The following GPSM2 variants were observed in gnomAD, a reference collection of about 807,000 sequenced individuals.
GPSM2 encodes G protein signaling modulator 2.
GPSM2 carries 58 observed loss-of-function variants against 78.4 expected under a neutral mutation model. That is an observed-to-expected ratio of 0.74 (90% CI 0.60 to 0.92). GPSM2 has a LOEUF of 0.92. GPSM2 is among the 40% of genes least tolerant of loss of function. GPSM2 has a pLI of 0.00. For missense variants in GPSM2, 700 were observed against 815.5 expected (o/e 0.86, Z 1.73); for synonymous variants, 224 against 280.2 (o/e 0.80, Z 2.00).
intron 11 of GPSM2, among the ~76,000 whole-genome samples, chr1:108,916,406 C>A (rs1422507002): frequency 2.0e-5 from 3 of 152,184 alleles, no homozygotes; most frequent in African/African-American, 7.2e-5. Context: ...GTGTGAGAAT[C>A]ATATCCAAAA....
intron 14 of GPSM2, chr1:108,924,468 A>T: frequency 3.9e-6 from 2 of 516,676 alleles, no homozygotes; most frequent in East Asian, 7.2e-5. Flanking sequence ...GAGAGAGAGT[A>T]TATGTGTGTT....
chr1:108,906,515 T>G (rs1490393735), intron 10 of GPSM2, among the ~76,000 whole-genome samples: 1 of 151,298 alleles, frequency 6.6e-6, no homozygotes, highest in Admixed American at 6.6e-5. Flanking sequence ...ACTTCGATTC[T>G]GCATCTCTCA....
chr1:108,922,325 C>A, intron 12 of GPSM2, 92 bp from the exon 13 acceptor site: 1 of 903,470 alleles, frequency 1.1e-6, no homozygotes, highest in South Asian at 1.4e-5. Flanking sequence ...CATCCTTTAC[C>A]TTTTGCATTT....
At chr1:108,925,422 A>G (rs945144947) in intron 14 of GPSM2, among the ~76,000 whole-genome samples, 2 of 152,140 alleles carry the variant, frequency 1.3e-5, no homozygotes, top group African/African-American at 2.4e-5. Context: ...AAAGAATAGG[A>G]CAGGAAGACT....
At chr1:108,917,167 C>G (rs1650292893) in intron 11 of GPSM2, among the ~76,000 whole-genome samples, 2 of 152,080 alleles carry the variant, frequency 1.3e-5, no homozygotes, top group African/African-American at 4.8e-5. Flanking sequence ...TTTTCCTTTT[C>G]TCTAAACAAT....
intron 12 of GPSM2, 97 bp downstream of exon 12, chr1:108,918,886 T>C: frequency 1.3e-6 from 1 of 776,482 alleles, no homozygotes; most frequent in Non-Finnish European, 2.2e-6. Flanking sequence ...AAATTAGACA[T>C]TTAATATAAA....
intron 2 of GPSM2, among the ~76,000 whole-genome samples, chr1:108,891,664 ATTTTT>A (rs58295802): frequency 8.5e-6 from 1 of 117,174 alleles, no homozygotes. Flanking sequence ...CAGCCAGCTA[ATTTTT>A]TTTTTTTTTT....
Position 108,932,465 on chromosome 1 carries a change from C to CTAG in GPSM2, c.*2526_*2528dup, listed in dbSNP as rs1278805304. ...TCAACAACAGTTGCATGTCGCCTTG[C>CTAG]TAGCTGTCAAAGTAGACTTCATCCC... is the stretch of plus-strand genomic sequence containing the variant. On this transcript the variant is annotated 3_prime_UTR_variant, in exon 15 of 15. Transcript: ENST00000264126. 1 of 152,138 alleles carries CTAG rather than the reference C, an allele frequency of 6.6e-6. No individual in the cohort carries two copies. Among genetic ancestry groups the CTAG allele is most frequent in the African/African-American group, 2.4e-5 (1 of 41,420 alleles). 9.4% of individuals were successfully genotyped at this position (152,138 alleles called of 1,614,324 possible).
At chr1:108,917,652 ATATATATATATAT>A (rs1570943489) in intron 11 of GPSM2, among the ~76,000 whole-genome samples, 2 of 97,538 alleles carry the variant, frequency 2.1e-5, no homozygotes, top group South Asian at 4.3e-4. Flanking sequence ...ATATATATAT[ATATATATATATAT>A]AAATGAGTTC....
rs1648480853 is a variant in GPSM2, at chr1:108,897,734, A to G, written c.414+107A>G. The G allele has an allele frequency of 1.3e-5, 14 of 1,114,244 alleles. No individual in the cohort carries two copies. The East Asian group carries it at 3.7e-4, about 30-fold the overall frequency. The allele number at this position is 1,114,244 out of a possible 1,614,324, so 69.0% of individuals were successfully genotyped here. A position where few individuals can be genotyped will look rare whatever the true frequency, so the allele number is the denominator to read the frequency against. On this transcript the variant is annotated intron_variant, in intron 4 of 14. Coordinates refer to ENST00000264126, the MANE Select transcript of GPSM2 (RefSeq NM_013296.5). ...GTTTATTTTAAAATTAATACCAAAA[A>G]AGAAAACATTTATAGACTAATAGAA... is the stretch of plus-strand genomic sequence containing the variant.
chr1:108,912,524 G>A (rs1002750764), intron 10 of GPSM2, among the ~76,000 whole-genome samples: 4 of 150,118 alleles, frequency 2.7e-5, no homozygotes, highest in Admixed American at 6.7e-5. Context: ...CAGGAGGATC[G>A]CTTGCATCCA....
intron 7 of GPSM2, among the ~76,000 whole-genome samples, chr1:108,900,205 T>C (rs1194128286): frequency 6.6e-6 from 1 of 151,966 alleles, no homozygotes; most frequent in Non-Finnish European, 1.5e-5. Context: ...AGTCGTTGGT[T>C]AGAAATATTT....
intron 13 of GPSM2, among the ~76,000 whole-genome samples, 163 bp downstream of exon 13, chr1:108,922,739 A>G (rs1256216491): frequency 6.6e-6 from 1 of 152,188 alleles, no homozygotes; most frequent in East Asian, 1.9e-4. Flanking sequence ...AGGTTTTTTC[A>G]GTTCCCTTAC....
rs1649055288 is a variant in GPSM2, at chr1:108,904,238, T to G, written c.1176T>G (p.Ile392Met). The change falls in exon 10 of 15, where the codon ATT (isoleucine) becomes ATG (methionine). Residue 392 changes from isoleucine (I) to methionine (M), a missense_variant. By Grantham distance (10) the Ile-to-Met change is conservative. Transcript: ENST00000264126. ...CCATAATGTCTGAAAATACTGAAAT[T>G]GATAGCAGTTTGAATGGTAAGTAAT... Reference protein sequence around the residue: ...NNSIMSENTEIDSSLNGVRPK... With the variant: ...NNSIMSENTEMDSSLNGVRPK... 6.3e-7 allele frequency: 1 copy of G among 1,596,880 alleles called. No homozygotes were observed. Among genetic ancestry groups the G allele is most frequent in the East Asian group, 2.2e-5 (1 of 44,590 alleles).
Position 108,924,064 on chromosome 1 carries a change from G to C in GPSM2, c.1665G>C (p.Gln555His), listed in dbSNP as rs771359771. Reference sequence around the variant, plus strand: ...TTTTAGATCTTCTTGCCAGCTCACAGAGTCGCCGTCTGGATGACCAGAGGG... The same window carrying C: ...TTTTAGATCTTCTTGCCAGCTCACACAGTCGCCGTCTGGATGACCAGAGGG... ...DEFLDLLASS[Q>H]SRRLDDQRAS... The change falls in exon 14 of 15, where the codon CAG becomes CAC. Residue 555 changes from glutamine (Q) to histidine (H), a missense_variant. Gln to His is a conservative substitution (Grantham distance 24, BLOSUM62 0). Transcript: ENST00000264126. 65 of 1,613,566 alleles carry C rather than the reference G, an allele frequency of 4.0e-5. No individual in the cohort carries two copies. Among genetic ancestry groups the C allele is most frequent in the Non-Finnish European group, 5.3e-5 (63 of 1,179,666 alleles).
intron 2 of GPSM2, among the ~76,000 whole-genome samples, chr1:108,887,125 T>G (rs1647618287): frequency 6.6e-6 from 1 of 152,130 alleles, no homozygotes; most frequent in Non-Finnish European, 1.5e-5. Context: ...TGGCCTCAAG[T>G]GATATGCCCG....
At chr1:108,878,946 T>C (rs2101283201) in intron 1 of GPSM2, among the ~76,000 whole-genome samples, 1 of 152,338 alleles carries the variant, frequency 6.6e-6, no homozygotes. Flanking sequence ...GCACATGCTG[T>C]ATTGCTTCTG....
intron 12 of GPSM2, among the ~76,000 whole-genome samples, chr1:108,919,385 A>C (rs1353457467): frequency 6.6e-6 from 1 of 152,108 alleles, no homozygotes; most frequent in Non-Finnish European, 1.5e-5. Context: ...CAGTAAAACC[A>C]CCCTCTACTC....
intron 11 of GPSM2, 49 bp from the exon 12 acceptor site, chr1:108,918,564 G>A (rs1650454102): frequency 7.5e-7 from 1 of 1,339,480 alleles, no homozygotes; most frequent in Admixed American, 1.7e-5. Context: ...GAAGAGAGCT[G>A]GGGATTTGGG....
Sources: gnomAD v4.1 joint callset for allele counts (sites outside exome capture counted in the v4.1 genomes callset) on GRCh38, gnomAD v4.1.1 for gene constraint, MANE v1.5 for transcripts, NCBI Gene and HGNC (gene_info 2026-07-23, HGNC 2026-07-21) for gene names.